The following TRAPPC9 variants were observed in gnomAD, a reference collection of about 807,000 sequenced individuals.
The protein encoded by TRAPPC9 is trafficking protein particle complex subunit 9.
In TRAPPC9, 83 loss-of-function variants were observed where a neutral mutation model predicts 124.0. The ratio of observed to expected loss-of-function variants is 0.67; its 90% CI spans 0.56 to 0.80. The LOEUF (loss-of-function observed/expected upper bound fraction) is 0.80, where lower values mean the gene tolerates loss of function less well. TRAPPC9 is among the 30% of genes least tolerant of loss of function. The probability of loss-of-function intolerance (pLI) is 0.00; values close to 1 mark genes in which losing one functional copy is unlikely to be tolerated. For synonymous variants in TRAPPC9, 638 were observed against 617.5 expected, an observed-to-expected ratio of 1.03 and a Z score of -0.49; for missense variants, 1,302 against 1,508.3, an observed-to-expected ratio of 0.86 and a Z score of 2.27.
intron 21 of TRAPPC9, among the ~76,000 whole-genome samples, chr8:139,794,384 C>T (rs1035894508): frequency 2.6e-5 from 4 of 152,194 alleles, no homozygotes; most frequent in South Asian, 2.1e-4. Context: ...CATCTCAGGC[C>T]GTTTCCAGAT....
At chr8:139,947,467 A>T (rs1262837599) in intron 19 of TRAPPC9, among the ~76,000 whole-genome samples, 2 of 152,218 alleles carry the variant, frequency 1.3e-5, no homozygotes, top group African/African-American at 4.8e-5. Flanking sequence ...TATATATGCC[A>T]ATATCTCCCT....
At chr8:140,139,272 G>GTA (rs2061348266) in intron 17 of TRAPPC9, among the ~76,000 whole-genome samples, 1 of 152,138 alleles carries the variant, frequency 6.6e-6, no homozygotes, top group Admixed American at 6.5e-5. Context: ...CCTACTTTAC[G>GTA]GCCTGCTCAG....
chr8:140,233,519 A>T (rs1218572113), intron 16 of TRAPPC9, among the ~76,000 whole-genome samples: 1 of 151,528 alleles, frequency 6.6e-6, no homozygotes. Flanking sequence ...GACTAACTTT[A>T]TAAAGGCTTC....
At chr8:140,217,482 A>G (rs4286926) in intron 17 of TRAPPC9, among the ~76,000 whole-genome samples, 105,031 of 152,080 alleles carry the variant, frequency 0.69, 36,586 homozygotes, top group Admixed American at 0.75. Context: ...ATGAGGAGTA[A>G]CACCAGAAGG....
Position 139,766,603 on chromosome 8 carries a change from C to A in TRAPPC9, c.3056-34401G>T, listed in dbSNP as rs149320927. On this transcript the variant is annotated intron_variant, in intron 21 of 22. Coordinates refer to ENST00000438773, the MANE Select transcript of TRAPPC9 (RefSeq NM_001160372.4). ...AGATCAGGACCTGGGAGTGCACACGCGGCCCCAGGTGCTCCTCCTCATTGA... is the reference window on the plus strand; with the variant it reads ...AGATCAGGACCTGGGAGTGCACACGAGGCCCCAGGTGCTCCTCCTCATTGA... Among the ~76,000 whole-genome samples, 10 of 152,358 alleles carry A rather than the reference C, an allele frequency of 6.6e-5. No individual in the cohort carries two copies. The East Asian group carries it at 1.9e-3, about 29-fold the overall frequency.
chr8:139,940,545 C>T (rs777488143), intron 19 of TRAPPC9, among the ~76,000 whole-genome samples: 1 of 152,212 alleles, frequency 6.6e-6, no homozygotes, highest in Non-Finnish European at 1.5e-5. Context: ...AGAGGCAGGA[C>T]GTGGAGAGCG....
chr8:140,096,376 C>G (rs1371930606), intron 17 of TRAPPC9: 1 of 152,180 alleles, frequency 6.6e-6, no homozygotes, highest in African/African-American at 2.4e-5. Flanking sequence ...TAGATGTTAA[C>G]AGGATCCCTC....
chr8:139,927,915 A>G (rs1261388132), intron 19 of TRAPPC9, among the ~76,000 whole-genome samples: 1 of 152,220 alleles, frequency 6.6e-6, no homozygotes, highest in Non-Finnish European at 1.5e-5. Flanking sequence ...GAGCTAATCC[A>G]CGGCAGAAGC....
In TRAPPC9 at chr8:139,747,002, C is replaced by T. The variant is rs139498269; in HGVS notation, c.3056-14800G>A. Among the ~76,000 whole-genome samples, 1,064 of 152,220 alleles carry T rather than the reference C, an allele frequency of 7.0e-3. 12 individuals carry two copies. Among genetic ancestry groups the T allele is most frequent in the African/African-American group, 0.025 (1,021 of 41,530 alleles). ...GAAGATAAACCAGAAGAAAAAGAAACGGGGAAAAAAATGGAAAATATGCCT... is the reference window on the plus strand; with the variant it reads ...GAAGATAAACCAGAAGAAAAAGAAATGGGGAAAAAAATGGAAAATATGCCT... On this transcript the variant is annotated intron_variant, in intron 21 of 22. Transcript: ENST00000438773.
chr8:139,959,468 G>A (rs969702728), intron 19 of TRAPPC9, among the ~76,000 whole-genome samples: 9 of 152,108 alleles, frequency 5.9e-5, no homozygotes, highest in African/African-American at 1.4e-4. Flanking sequence ...GTTGCTTCTC[G>A]CCCCACAGCT....
At chr8:139,841,113 C>T (rs1340307029) in intron 21 of TRAPPC9, among the ~76,000 whole-genome samples, 1 of 152,166 alleles carries the variant, frequency 6.6e-6, no homozygotes, top group East Asian at 1.9e-4. Context: ...AAACATCTAC[C>T]CCTCGCTTGC....
At chr8:139,945,613 C>T (rs1406505282) in intron 19 of TRAPPC9, among the ~76,000 whole-genome samples, 1 of 120,234 alleles carries the variant, frequency 8.3e-6, no homozygotes, top group Non-Finnish European at 1.7e-5. Flanking sequence ...ATGAACTGAA[C>T]AACACGTGCA....
At chr8:140,396,200 G>A (rs2069092657) in intron 7 of TRAPPC9, among the ~76,000 whole-genome samples, 1 of 147,186 alleles carries the variant, frequency 6.8e-6, no homozygotes, top group South Asian at 2.2e-4. Context: ...GGAGTGCAGT[G>A]GTGTGATCTT....
intron 17 of TRAPPC9, among the ~76,000 whole-genome samples, chr8:140,195,060 C>T (rs1474328517): frequency 6.6e-6 from 1 of 152,076 alleles, no homozygotes; most frequent in Non-Finnish European, 1.5e-5. Context: ...CAGATCACGC[C>T]TGTGACACTA....
In TRAPPC9 at chr8:140,257,904, T is replaced by C. The variant is rs577998780; in HGVS notation, c.2279-4975A>G. Among the ~76,000 whole-genome samples, 296 of 152,308 alleles carry C rather than the reference T, an allele frequency of 1.9e-3. 1 individual carries two copies. The highest frequency in any genetic ancestry group is 2.1e-3 in the Non-Finnish European group (144 of 68,028). ...TGTAGCTCTCACTGGGATGTGCATG[T>C]GAGGAGAACTGCATCACTGTCCTTT... On this transcript the variant is annotated intron_variant, in intron 15 of 22. Transcript: ENST00000438773. The surrounding 1 kb of genome is among the most constrained non-coding windows in gnomAD (Gnocchi z 4.6).
At chr8:140,397,275 A>G (rs2069122501) in intron 7 of TRAPPC9, among the ~76,000 whole-genome samples, 1 of 152,148 alleles carries the variant, frequency 6.6e-6, no homozygotes, top group African/African-American at 2.4e-5. Flanking sequence ...TAAACCCAAC[A>G]CCCCAAACAG....
At chr8:139,940,210 T>G (rs1351350303) in intron 19 of TRAPPC9, among the ~76,000 whole-genome samples, 3 of 152,222 alleles carry the variant, frequency 2.0e-5, no homozygotes, top group African/African-American at 7.2e-5. Context: ...TGCCCCCAAG[T>G]CTCTCTTACT....
At chr8:140,082,604 G>C (rs1159307114) in intron 17 of TRAPPC9, among the ~76,000 whole-genome samples, 2 of 152,170 alleles carry the variant, frequency 1.3e-5, no homozygotes, top group Non-Finnish European at 2.9e-5. Context: ...TGAAAATACT[G>C]CTTTGAATAG....
At chr8:139,771,212 A>G (rs966948537) in intron 21 of TRAPPC9, among the ~76,000 whole-genome samples, 1 of 152,116 alleles carries the variant, frequency 6.6e-6, no homozygotes, top group African/African-American at 2.4e-5. Flanking sequence ...TAGGGCCCCA[A>G]ACTCATCTCT....
Sources: allele counts gnomAD v4.1 joint callset (sites outside exome capture counted in the v4.1 genomes callset), GRCh38; gene constraint gnomAD v4.1.1; non-coding constraint Gnocchi (gnomAD v3.1); transcripts MANE v1.5; gene names NCBI Gene and HGNC (gene_info 2026-07-23, HGNC 2026-07-21).